The following MRM2 variants were observed in gnomAD, a reference collection of about 807,000 sequenced individuals.
MRM2 encodes the protein rRNA methyltransferase 2, mitochondrial.
In MRM2, 15 loss-of-function variants were observed where a neutral mutation model predicts 10.9. That is an observed-to-expected ratio of 1.37 (90% confidence interval 0.92 to 2.11). The LOEUF (loss-of-function observed/expected upper bound fraction) is 2.11. MRM2 is among the 30% of genes most tolerant of loss of function. MRM2 has a pLI of 0.00. For missense variants in MRM2, 328 were observed against 321.3 expected (o/e 1.02, Z -0.16); for synonymous variants, 139 against 128.7 (o/e 1.08, Z -0.54).
chr7:2,239,736 T>G (rs757739156), intron 1 of MRM2, 29 bp from the exon 2 acceptor site: 1 of 1,600,732 alleles, frequency 6.2e-7, no homozygotes, highest in African/African-American at 1.3e-5. Context: ...AGCAGGCAGG[T>G]TGGCATCACA....
intron 2 of MRM2, among the ~76,000 whole-genome samples, chr7:2,237,573 T>A (rs146420304): frequency 1.8e-3 from 273 of 152,194 alleles, no homozygotes; most frequent in Non-Finnish European, 2.9e-3. Context: ...AGCTCAGCAA[T>A]GAGAAAAGGA....
intron 2 of MRM2, among the ~76,000 whole-genome samples, chr7:2,236,271 A>G (rs1237012249): frequency 6.6e-6 from 1 of 152,234 alleles, no homozygotes; most frequent in Non-Finnish European, 1.5e-5. Flanking sequence ...AAACTAGTAC[A>G]TAAAGTGCCT....
In MRM2 at chr7:2,239,021, ATAT is replaced by A. The variant is rs1562401746; in HGVS notation, c.298+394_298+396del. 1.4e-3 allele frequency: 23 copies of A among 15,872 alleles called. 1 individual carries two copies. Among genetic ancestry groups the A allele is most frequent in the South Asian group, 8.1e-3 (8 of 990 alleles). 1.0% of individuals were successfully genotyped at this position (15,872 alleles called of 1,614,324 possible). On this transcript the variant is annotated intron_variant, in intron 2 of 2. Coordinates refer to ENST00000242257, the MANE Select transcript of MRM2 (RefSeq NM_013393.3). ...TATATATATATATATATATATATAT[ATAT>A]ATATAATACATATATGTATGTATCA... is the stretch of plus-strand genomic sequence containing the variant.
In MRM2 at chr7:2,239,464, C is replaced by T. The variant is rs1794480507; in HGVS notation, c.252G>A (p.Gly84=). Residue 84 remains glycine (G), a synonymous_variant, in exon 2 of 3, where the codon GGG becomes GGA. Coordinates refer to ENST00000242257, the MANE Select transcript of MRM2 (RefSeq NM_013393.3). ...LRVLDCGAAP[G]AWSQVAVQKV... Reference sequence around the variant, plus strand: ...TCTGCACCGCCACCTGACTCCAGGCCCCAGGAGCTGCCCCACAGTCTAACA... The same window carrying T: ...TCTGCACCGCCACCTGACTCCAGGCTCCAGGAGCTGCCCCACAGTCTAACA... 2 of 1,613,372 alleles carry T rather than the reference C, an allele frequency of 1.2e-6. No homozygotes were observed. The highest frequency in any genetic ancestry group is 1.7e-6 in the Non-Finnish European group (2 of 1,179,902).
At position 2,239,444 on chromosome 7, in the gene MRM2, A is replaced by C; in HGVS notation, c.272T>G (p.Val91Gly). 6.2e-7 allele frequency: 1 copy of C among 1,611,682 alleles called. No homozygotes were observed. Among genetic ancestry groups the C allele is most frequent in the Non-Finnish European group, 8.5e-7 (1 of 1,179,008 alleles). ...AAPGAWSQVA[V>G]QKVNAAGTDP... is the part of the protein sequence containing the mutation. Reference sequence around the variant, plus strand: ...TGTGCCTGCGGCGTTGACCTTCTGCACCGCCACCTGACTCCAGGCCCCAGG... The same window carrying C: ...TGTGCCTGCGGCGTTGACCTTCTGCCCCGCCACCTGACTCCAGGCCCCAGG... Residue 91 changes from valine (V) to glycine (G), a missense_variant, in exon 2 of 3, where the codon GTG becomes GGG. Val to Gly is a moderately radical substitution (Grantham distance 109, BLOSUM62 -3). Coordinates refer to ENST00000242257, the MANE Select transcript of MRM2 (RefSeq NM_013393.3).
In MRM2 at chr7:2,242,201, G is replaced by A. The variant is rs1255754129; in HGVS notation, c.-32C>T. On this transcript the variant is annotated 5_prime_UTR_variant, in exon 1 of 3. Transcript: ENST00000242257. The stretch of plus-strand genomic sequence containing the variant: ...TCCCCGCGCCTGCAGCGCGCCGCCG[G>A]AAGTGCCTGGCCTCACTTCCGGTCA... 9 of 1,567,916 alleles carry A rather than the reference G, an allele frequency of 5.7e-6. No homozygotes were observed. Among genetic ancestry groups the A allele is most frequent in the Non-Finnish European group, 7.7e-6 (9 of 1,163,572 alleles).
chr7:2,242,200 G>C lies in MRM2; in HGVS notation c.-31C>G, dbSNP rs34691993. On this transcript the variant is annotated 5_prime_UTR_variant, in exon 1 of 3. Coordinates refer to ENST00000242257, the MANE Select transcript of MRM2 (RefSeq NM_013393.3). Reference sequence around the variant, plus strand: ...TTCCCCGCGCCTGCAGCGCGCCGCCGGAAGTGCCTGGCCTCACTTCCGGTC... The same window carrying C: ...TTCCCCGCGCCTGCAGCGCGCCGCCCGAAGTGCCTGGCCTCACTTCCGGTC... 848 of 1,567,546 alleles carry C rather than the reference G, an allele frequency of 5.4e-4. 6 individuals carry two copies. The African/African-American group carries it at 0.01, about 19-fold the overall frequency.
chr7:2,235,303 G>A lies in MRM2; in HGVS notation c.560C>T (p.Pro187Leu). 1 of 1,614,144 alleles carries A rather than the reference G, an allele frequency of 6.2e-7. No individual in the cohort carries two copies. The highest frequency in any genetic ancestry group is 8.5e-7 in the Non-Finnish European group (1 of 1,180,032). Residue 187 changes from proline to leucine, a missense_variant, in exon 3 of 3, where the codon CCT becomes CTT. Physicochemically the swap from Pro to Leu is moderately conservative, Grantham distance 98. Transcript: ENST00000242257. ...LLSVTPDILQ[P>L]GGTFLCKTWA... The stretch of plus-strand genomic sequence containing the variant: ...GGTTTTACAAAGGAATGTCCCCCCA[G>A]GTTGCAGGATGTCTGGGGTCACGCT...
In MRM2 at chr7:2,234,485, T is replaced by C; in HGVS notation, c.*637A>G. ...AGAAAGACAGAAGTTAATCCCCAGA[T>C]GGAAATTTCAGATTTTTCTTTTGGT... On this transcript the variant is annotated 3_prime_UTR_variant, in exon 3 of 3. Transcript: ENST00000242257. 6.6e-6 allele frequency: 1 copy of C among 152,544 alleles called. No individual in the cohort carries two copies. The highest frequency in any genetic ancestry group is 1.9e-4 in the East Asian group (1 of 5,210). 9.4% of individuals were successfully genotyped at this position (152,544 alleles called of 1,614,324 possible). A position where few individuals can be genotyped will look rare whatever the true frequency, so the allele number is the denominator to read the frequency against.
chr7:2,236,442 A>G (rs2115040383), intron 2 of MRM2, among the ~76,000 whole-genome samples: 1 of 152,280 alleles, frequency 6.6e-6, no homozygotes, highest in Non-Finnish European at 1.5e-5. Flanking sequence ...AAATCCCAGC[A>G]CTTTGGGAGG....
At chr7:2,239,788 T>A in intron 1 of MRM2, 81 bp from the exon 2 acceptor site, 1 of 1,284,896 alleles carries the variant, frequency 7.8e-7, no homozygotes, top group Non-Finnish European at 1.1e-6. Context: ...TCGGATCAAC[T>A]CATTCATTTC....
At chr7:2,236,881 A>T (rs1794428188) in intron 2 of MRM2, among the ~76,000 whole-genome samples, 1 of 152,144 alleles carries the variant, frequency 6.6e-6, no homozygotes, top group Non-Finnish European at 1.5e-5. Flanking sequence ...CTTTGAATGT[A>T]GGTACAGAGT....
At chr7:2,237,577 A>G (rs959762031) in intron 2 of MRM2, among the ~76,000 whole-genome samples, 1 of 152,210 alleles carries the variant, frequency 6.6e-6, no homozygotes, top group Admixed American at 6.5e-5. Context: ...CAGCAATGAG[A>G]AAAGGAACTG....
intron 2 of MRM2, among the ~76,000 whole-genome samples, chr7:2,237,200 A>G (rs1260217691): frequency 1.3e-5 from 2 of 152,138 alleles, no homozygotes; most frequent in South Asian, 4.1e-4. Flanking sequence ...GGGTTTCACC[A>G]TATTGCCCAG....
intron 2 of MRM2, among the ~76,000 whole-genome samples, chr7:2,237,083 C>T (rs1227601105): frequency 6.6e-6 from 1 of 152,186 alleles, no homozygotes; most frequent in African/African-American, 2.4e-5. Context: ...CAGCTCACTG[C>T]AGCCTTGACT....
intron 2 of MRM2, chr7:2,239,028 T>TAAA (rs774971102): frequency 1.2e-5 from 1 of 84,140 alleles, no homozygotes; most frequent in African/African-American, 5.3e-5. Context: ...TATATATATA[T>TAAA]AATACATATA....
intron 2 of MRM2, chr7:2,238,764 A>G (rs6951825): frequency 0.93 from 141,270 of 152,178 alleles, 65,667 homozygotes; most frequent in Non-Finnish European, 0.95. Flanking sequence ...GTGAAACCCT[A>G]TCTCTACTTA....
At chr7:2,236,827 G>A (rs892443153) in intron 2 of MRM2, among the ~76,000 whole-genome samples, 1 of 152,144 alleles carries the variant, frequency 6.6e-6, no homozygotes, top group Admixed American at 6.5e-5. Flanking sequence ...CTCAGTGGAG[G>A]GGACTGTTGG....
rs1360491438 is a variant in MRM2 at position 2,235,583 on chromosome 7, A to C, written c.299-19T>G. 1 of 1,541,454 alleles carries C rather than the reference A, an allele frequency of 6.5e-7. No homozygotes were observed. The highest frequency in any genetic ancestry group is 1.4e-5 in the African/African-American group (1 of 73,048). On this transcript the variant is annotated intron_variant, in intron 2 of 2. Coordinates refer to ENST00000242257, the MANE Select transcript of MRM2 (RefSeq NM_013393.3). ...CTGGGATCTATGGAAGAAATGGTGA[A>C]TGTGTTATTTATTTACACCCTGAAT...
Sources: gnomAD v4.1 joint callset for allele counts (sites outside exome capture counted in the v4.1 genomes callset) on GRCh38, gnomAD v4.1.1 for gene constraint, MANE v1.5 for transcripts, NCBI Gene and HGNC (gene_info 2026-07-23, HGNC 2026-07-21) for gene names.